DNAH11: variants seen among roughly 807,000 people sequenced by gnomAD.
DNAH11 encodes the protein axonemal beta dynein heavy chain 11.
Under a neutral mutation model 526.0 loss-of-function variants are expected in DNAH11, and 442 were observed. That is an observed-to-expected ratio of 0.84 (90% CI 0.78 to 0.91). DNAH11 has a LOEUF of 0.91. Among genes scored for constraint, DNAH11 ranks in the 40% least tolerant of loss-of-function variants. The pLI, the probability that DNAH11 is intolerant of heterozygous loss-of-function variation, is 0.00. For missense variants in DNAH11, 6,989 were observed against 5,448.7 expected (o/e 1.28, Z -8.90); for synonymous variants, 2,461 against 1,935.9 (o/e 1.27, Z -7.12).
chr7:21,894,836 C>A, intron 78 of DNAH11, 31 bp downstream of exon 78: 2 of 1,611,678 alleles, frequency 1.2e-6, no homozygotes, highest in South Asian at 1.1e-5. Flanking sequence ...TAGTAGACTT[C>A]AGCACATTGG....
chr7:21,858,145 G>A (rs904342428), intron 68 of DNAH11, among the ~76,000 whole-genome samples: 6 of 152,092 alleles, frequency 3.9e-5, no homozygotes, highest in Non-Finnish European at 8.8e-5. Context: ...TGCTCATCAG[G>A]CATCAGAAAA....
At chr7:21,762,486 A>C (rs1170208600) in intron 54 of DNAH11, among the ~76,000 whole-genome samples, 2 of 152,244 alleles carry the variant, frequency 1.3e-5, no homozygotes, top group Non-Finnish European at 2.9e-5. Context: ...GGGTGTGGGA[A>C]ACCAACTTCT....
chr7:21,742,197 G>C (rs1562521100), intron 49 of DNAH11, 31 bp downstream of exon 49: 1 of 1,606,440 alleles, frequency 6.2e-7, no homozygotes, highest in South Asian at 1.1e-5. Context: ...TATGCCTCTT[G>C]AGTAGAGAAA....
intron 20 of DNAH11, among the ~76,000 whole-genome samples, chr7:21,610,731 C>T (rs748178234): frequency 1.3e-5 from 2 of 151,720 alleles, no homozygotes; most frequent in Non-Finnish European, 2.9e-5. Flanking sequence ...TACAACTCAG[C>T]AGATGGGTTA....
rs1562691731 is a variant in DNAH11 at position 21,600,923 on chromosome 7, A to G, written c.3248A>G (p.Lys1083Arg). Residue 1083 changes from lysine to arginine, a missense_variant, in exon 16 of 82, where the codon AAA becomes AGA. Physicochemically the swap from Lys to Arg is conservative, Grantham distance 26 (BLOSUM62 2). Coordinates refer to ENST00000409508, the MANE Select transcript of DNAH11 (RefSeq NM_001277115.2). ...CAACCACCAACTCTTGAGCAATTCA[A>G]AGAACAGGCAAGGAAAACCCTTAGC... ...PEQPPTLEQF[K>R]EQIDIYEALY... 1 of 1,613,612 alleles carries G rather than the reference A, an allele frequency of 6.2e-7. No homozygotes were observed. The highest frequency in any genetic ancestry group is 1.7e-5 in the Admixed American group (1 of 59,952).
intron 61 of DNAH11, among the ~76,000 whole-genome samples, chr7:21,791,022 T>C (rs10276109): frequency 0.35 from 52,562 of 152,036 alleles, 9,394 homozygotes; most frequent in East Asian, 0.48. Context: ...AATCCTGTTA[T>C]GGCCTCAGCT....
chr7:21,862,206 A>G (rs959588771), intron 69 of DNAH11, among the ~76,000 whole-genome samples, 183 bp downstream of exon 69: 3 of 150,254 alleles, frequency 2.0e-5, no homozygotes, highest in Non-Finnish European at 4.4e-5. Context: ...GCCTTCTCCT[A>G]GGTCCCAGTG....
intron 8 of DNAH11, among the ~76,000 whole-genome samples, chr7:21,573,737 C>G (rs1216321192): frequency 6.6e-6 from 1 of 152,106 alleles, no homozygotes; most frequent in Admixed American, 6.6e-5. Context: ...AACCTCTGCC[C>G]TTCCCCTCCC....
chr7:21,750,485 C>G, intron 54 of DNAH11, 121 bp downstream of exon 54: 1 of 1,273,758 alleles, frequency 7.9e-7, no homozygotes, highest in Non-Finnish European at 1.1e-6. Flanking sequence ...AGGACGTGTG[C>G]ATTTTTACAC....
chr7:21,837,784 A>G (rs747574025), intron 65 of DNAH11, among the ~76,000 whole-genome samples: 18 of 152,168 alleles, frequency 1.2e-4, no homozygotes, highest in Non-Finnish European at 2.6e-4. Context: ...TAGGGTGACT[A>G]TAGTAAACAA....
intron 8 of DNAH11, among the ~76,000 whole-genome samples, chr7:21,581,033 T>C (rs913467129): frequency 6.6e-6 from 1 of 152,204 alleles, no homozygotes; most frequent in African/African-American, 2.4e-5. Flanking sequence ...GAGTTAATCA[T>C]GTGAAATATT....
At chr7:21,862,383 C>T (rs1783098808) in intron 69 of DNAH11, among the ~76,000 whole-genome samples, 1 of 152,112 alleles carries the variant, frequency 6.6e-6, no homozygotes, top group Admixed American at 6.5e-5. Flanking sequence ...GTTATGAGTC[C>T]AGATCCGAGT....
intron 29 of DNAH11, among the ~76,000 whole-genome samples, chr7:21,657,678 C>T (rs1029265825): frequency 6.6e-6 from 1 of 152,150 alleles, no homozygotes; most frequent in African/African-American, 2.4e-5. Flanking sequence ...GTTATTAAGG[C>T]AGAGATACCA....
intron 50 of DNAH11, 91 bp from the exon 51 acceptor site, chr7:21,744,779 T>C (rs1786069545): frequency 1.4e-6 from 2 of 1,480,506 alleles, no homozygotes; most frequent in East Asian, 2.4e-5. Flanking sequence ...TGTGTGGGTC[T>C]GCAAGCTTTT....
chr7:21,739,187 T>C (rs1355576137), intron 47 of DNAH11, among the ~76,000 whole-genome samples: 1 of 152,188 alleles, frequency 6.6e-6, no homozygotes, highest in East Asian at 1.9e-4. Context: ...AGAAATTTGA[T>C]CTTGTTTGGC....
intron 57 of DNAH11, among the ~76,000 whole-genome samples, chr7:21,781,703 C>T (rs182087501): frequency 4.9e-4 from 74 of 152,222 alleles, no homozygotes; most frequent in Non-Finnish European, 1.0e-4. Flanking sequence ...TTCTTATAAT[C>T]TAAAGGCAGA....
At chr7:21,792,902 C>G (rs1461445848) in intron 61 of DNAH11, among the ~76,000 whole-genome samples, 1 of 151,422 alleles carries the variant, frequency 6.6e-6, no homozygotes, top group African/African-American at 2.4e-5. Flanking sequence ...TTCTTATTTC[C>G]TTCTAAAAAT....
intron 62 of DNAH11, 146 bp downstream of exon 62, chr7:21,801,421 C>T (rs1788990220): frequency 8.9e-7 from 1 of 1,124,994 alleles, no homozygotes; most frequent in Non-Finnish European, 1.2e-6. Context: ...GTGGCTCTAA[C>T]TCACCAGAAG....
chr7:21,544,941 G>C, intron 1 of DNAH11, 65 bp from the exon 2 acceptor site: 1 of 1,365,424 alleles, frequency 7.3e-7, no homozygotes, highest in Admixed American at 2.6e-5. Context: ...CTACAAGTTG[G>C]ATATAGTAAA....
Sources: gnomAD v4.1 joint callset for allele counts (sites outside exome capture counted in the v4.1 genomes callset) on GRCh38, gnomAD v4.1.1 for gene constraint, MANE v1.5 for transcripts, NCBI Gene and HGNC (gene_info 2026-07-23, HGNC 2026-07-21) for gene names.